Variants in CHST15 observed in about 807,000 individuals in gnomAD.
CHST15 encodes the protein carbohydrate sulfotransferase 15, also known as B cell RAG associated protein (GALNAC4S-6ST).
In CHST15, 30 loss-of-function variants were observed where a neutral mutation model predicts 53.6. The ratio of observed to expected loss-of-function variants is 0.56; its 90% CI spans 0.42 to 0.76. The LOEUF is 0.76. Ranked by LOEUF, CHST15 falls within the 30% of genes least tolerant of loss-of-function variation. The pLI is 0.00. For missense variants in CHST15, 627 were observed against 740.5 expected, an observed-to-expected ratio of 0.85 and a Z score of 1.78; for synonymous variants, 296 against 289.8, an observed-to-expected ratio of 1.02 and a Z score of -0.22.
At chr10:124,073,375 G>A (rs185744390) in intron 1 of CHST15, among the ~76,000 whole-genome samples, 5 of 152,306 alleles carry the variant, frequency 3.3e-5, no homozygotes, top group South Asian at 4.1e-4. Flanking sequence ...AACCCAGGCC[G>A]CGGAAGTCAG....
chr10:124,048,650 A>G (rs1948083477), intron 1 of CHST15, among the ~76,000 whole-genome samples: 1 of 152,232 alleles, frequency 6.6e-6, no homozygotes, highest in Admixed American at 6.5e-5. Context: ...AAGCCAAGAA[A>G]ACATTTTTTC....
At position 124,010,203 on chromosome 10, in the gene CHST15, G is replaced by A. The variant is rs1007131404; in HGVS notation, c.1632C>T (p.Asn544=). The change falls in exon 8 of 8, where the codon AAC becomes AAT. Residue 544 remains asparagine (N), a synonymous_variant. Transcript: ENST00000435907. ...CCGCGAGGACCTGCGCCAGCCTAGC[G>A]TTGAAGGGCCTGTAGAAATCCCGCA... ...KILRDFYRPF[N]ARLAQVLADE... 7 of 1,613,996 alleles carry A rather than the reference G, an allele frequency of 4.3e-6. No homozygotes were observed. The highest frequency in any genetic ancestry group is 2.2e-5 in the East Asian group (1 of 44,878).
At chr10:124,084,314 G>A (rs981696496) in intron 1 of CHST15, among the ~76,000 whole-genome samples, 1 of 152,176 alleles carries the variant, frequency 6.6e-6, no homozygotes, top group Non-Finnish European at 1.5e-5. Flanking sequence ...GATGAGACAA[G>A]AGGGAGGTTG....
chr10:124,036,195 G>A lies in CHST15; in HGVS notation c.1190+2320C>T, dbSNP rs1340415657. ...CACCTCCGGGGGCGGCGAGGGGTCA[G>A]CTCGAGGTGACAGTTATGTCACCAT... On this transcript the variant is annotated intron_variant, in intron 5 of 7. Coordinates refer to ENST00000435907, the MANE Select transcript of CHST15 (RefSeq NM_001270764.2). The surrounding 1 kb of genome is among the most constrained non-coding windows in gnomAD (Gnocchi z 5.1). Among the ~76,000 whole-genome samples the A allele has an allele frequency of 6.6e-6, 1 of 152,234 alleles. No individual in the cohort carries two copies. The highest frequency in any genetic ancestry group is 1.5e-5 in the Non-Finnish European group (1 of 68,032).
intron 1 of CHST15, among the ~76,000 whole-genome samples, chr10:124,063,646 A>G (rs185670626): frequency 6.6e-6 from 1 of 150,410 alleles, no homozygotes; most frequent in African/African-American, 2.4e-5. Context: ...GCATGGCTCG[A>G]AAAAAAAAAT....
chr10:124,076,662 A>G (rs923558389), intron 1 of CHST15, among the ~76,000 whole-genome samples: 1 of 151,548 alleles, frequency 6.6e-6, no homozygotes, highest in African/African-American at 2.4e-5. Flanking sequence ...GCTCAGAAAC[A>G]CCCTATACAG....
At chr10:124,010,715 A>G in intron 7 of CHST15, 1 of 985,444 alleles carries the variant, frequency 1.0e-6, no homozygotes, top group Non-Finnish European at 1.2e-6. Context: ...AGCACAGCCC[A>G]CGGGTTTCGG....
chr10:124,075,238 G>A (rs549521357), intron 1 of CHST15, among the ~76,000 whole-genome samples: 27 of 152,112 alleles, frequency 1.8e-4, no homozygotes, highest in Non-Finnish European at 2.8e-4. Context: ...GCATCCCCAC[G>A]GTGGGGAGGG....
At chr10:124,043,124 C>A (rs1306079522) in intron 3 of CHST15, among the ~76,000 whole-genome samples, 1 of 152,230 alleles carries the variant, frequency 6.6e-6, no homozygotes, top group African/African-American at 2.4e-5. Context: ...CTTCCCAACA[C>A]CACAACTCCT....
Position 124,012,385 on chromosome 10 carries a change from A to G in CHST15, c.1443T>C (p.His481=). 6.2e-7 allele frequency: 1 copy of G among 1,614,152 alleles called. No individual in the cohort carries two copies. ...GCATGGTGTACTTGACGTTGGATGC[A>G]TGATCTTCCAGGCGAAGAATGAGAA... The part of the protein sequence containing the change: ...QQFLILRLED[H]ASNVKYTMHK... The change falls in exon 7 of 8, where the codon CAT becomes CAC. Residue 481 remains histidine, a synonymous_variant. Coordinates refer to ENST00000435907, the MANE Select transcript of CHST15 (RefSeq NM_001270764.2).
Position 124,028,619 on chromosome 10 carries a change from A to G in CHST15, c.1191-7207T>C, listed in dbSNP as rs367656994. Among the ~76,000 whole-genome samples the G allele has an allele frequency of 1.2e-4, 19 of 152,320 alleles. No homozygotes were observed. In the South Asian group the frequency reaches 3.7e-3, roughly 30 times the overall value. The stretch of plus-strand genomic sequence containing the variant: ...TGCTGGTTCTAACACAGCAGTTCCC[A>G]CAGGGACTCATGTCAGAAGTCACTG... On this transcript the variant is annotated intron_variant, in intron 5 of 7. Coordinates refer to ENST00000435907, the MANE Select transcript of CHST15 (RefSeq NM_001270764.2).
intron 1 of CHST15, among the ~76,000 whole-genome samples, chr10:124,092,856 C>T (rs1394328550): frequency 5.9e-5 from 9 of 152,254 alleles, no homozygotes. Flanking sequence ...GGTCGGTCCC[C>T]CGCCTGCGGC....
Position 124,021,286 on chromosome 10 carries a change from G to A in CHST15, c.1317C>T (p.Val439=). ...CMLDYSLRAC[V]YNNTLNNAMP... ...TGGCGTTGTTGAGGGTGTTGTTGTAGACGCAGGCGCGCAGTGAATAATCAA... is the reference window on the plus strand; with the variant it reads ...TGGCGTTGTTGAGGGTGTTGTTGTAAACGCAGGCGCGCAGTGAATAATCAA... Residue 439 remains valine (V), a synonymous_variant, in exon 6 of 8, where the codon GTC becomes GTT. Coordinates refer to ENST00000435907, the MANE Select transcript of CHST15 (RefSeq NM_001270764.2). The A allele has an allele frequency of 5.0e-6, 8 of 1,610,214 alleles. No individual in the cohort carries two copies. The highest frequency in any genetic ancestry group is 6.8e-6 in the Non-Finnish European group (8 of 1,177,674).
rs1477922495 is a variant in CHST15, at chr10:124,019,340, TCA to T, written c.1347+1914_1347+1915del. 6.6e-6 allele frequency among the ~76,000 whole-genome samples: 1 copy of T among 152,126 alleles called. No homozygotes were observed. Among genetic ancestry groups the T allele is most frequent in the Admixed American group, 6.5e-5 (1 of 15,278 alleles). ...CGGGTGGGCTGCCCTGCCTGCTCTC[TCA>T]GACTCACTCCGTAGGGGTCCAGGGC... On this transcript the variant is annotated intron_variant, in intron 6 of 7. Coordinates refer to ENST00000435907, the MANE Select transcript of CHST15 (RefSeq NM_001270764.2). This position sits in a 1 kb window ranked among gnomAD's most constrained non-coding sequence, Gnocchi z 4.6.
chr10:124,049,962 A>C (rs28695965), intron 1 of CHST15, among the ~76,000 whole-genome samples: 49,323 of 151,882 alleles, frequency 0.32, 8,079 homozygotes, highest in Middle Eastern at 0.41. Flanking sequence ...CTTGAATTGA[A>C]TGGTAAGATA....
intron 6 of CHST15, among the ~76,000 whole-genome samples, chr10:124,016,993 C>T (rs980801556): frequency 5.9e-5 from 9 of 152,098 alleles, no homozygotes; most frequent in African/African-American, 2.2e-4. Flanking sequence ...AGGGGCACAC[C>T]CTCCCTTCTG....
chr10:124,037,699 C>T (rs1269435937), intron 5 of CHST15, among the ~76,000 whole-genome samples: 1 of 152,250 alleles, frequency 6.6e-6, no homozygotes, highest in Non-Finnish European at 1.5e-5. Flanking sequence ...TCCCACTACC[C>T]TGGCCTCACC....
intron 5 of CHST15, among the ~76,000 whole-genome samples, chr10:124,028,264 A>C (rs528885961): frequency 6.6e-6 from 1 of 152,294 alleles, no homozygotes; most frequent in South Asian, 2.1e-4. Context: ...GGAAAAGCTA[A>C]TATTCCTTGG....
intron 1 of CHST15, among the ~76,000 whole-genome samples, chr10:124,079,815 GCAAA>G (rs1202163126): frequency 2.0e-5 from 3 of 152,212 alleles, no homozygotes; most frequent in African/African-American, 7.2e-5. Context: ...GGCCAAATCA[GCAAA>G]CAGTTTTCCA....
Sources: allele counts gnomAD v4.1 joint callset (sites outside exome capture counted in the v4.1 genomes callset), GRCh38; gene constraint gnomAD v4.1.1; non-coding constraint Gnocchi (gnomAD v3.1); transcripts MANE v1.5; gene names NCBI Gene and HGNC (gene_info 2026-07-23, HGNC 2026-07-21).